Variants in CA10 observed in about 807,000 individuals in gnomAD.
CA10 encodes carbonic anhydrase-related protein 10.
In CA10, 14 loss-of-function variants were observed where a neutral mutation model predicts 44.2. The observed-to-expected ratio is 0.32, with a 90% CI of 0.21 to 0.50. CA10 has a LOEUF of 0.50. Among genes scored for constraint, CA10 ranks in the 20% least tolerant of loss-of-function variants. The pLI, the probability that CA10 is intolerant of heterozygous loss-of-function variation, is 0.99. For synonymous variants in CA10, 159 were observed against 141.6 expected, an observed-to-expected ratio of 1.12 and a Z score of -0.87; for missense variants, 350 against 409.7, an observed-to-expected ratio of 0.85 and a Z score of 1.26.
chr17:51,871,530 G>A (rs180829628), intron 3 of CA10, among the ~76,000 whole-genome samples: 4 of 145,440 alleles, frequency 2.8e-5, no homozygotes, highest in African/African-American at 5.1e-5. Context: ...GTGAGCCATC[G>A]CGCCCAGCCA....
At chr17:51,701,571 T>G (rs1461490942) in intron 4 of CA10, among the ~76,000 whole-genome samples, 1 of 152,156 alleles carries the variant, frequency 6.6e-6, no homozygotes, top group African/African-American at 2.4e-5. Flanking sequence ...GCTGGTAGGA[T>G]CCCATGATAC....
At chr17:51,725,983 C>T (rs1388112448) in intron 4 of CA10, among the ~76,000 whole-genome samples, 1 of 188 alleles carries the variant, frequency 5.3e-3, no homozygotes, top group Non-Finnish European at 0.014. Flanking sequence ...GAGTCATTCA[C>T]CTGTCGGGGA....
chr17:51,900,205 T>C (rs940924163), intron 3 of CA10, among the ~76,000 whole-genome samples: 29 of 152,294 alleles, frequency 1.9e-4, no homozygotes, highest in African/African-American at 6.0e-4. Flanking sequence ...CTTAAGGACC[T>C]CTTATAAGGC....
At position 52,028,797 on chromosome 17, in the gene CA10, AT is replaced by A. The variant is rs1986376951; in HGVS notation, c.136+43521del. Among the ~76,000 whole-genome samples the A allele has an allele frequency of 3.3e-5, 5 of 152,306 alleles. 1 individual carries two copies. In the South Asian group the frequency reaches 1.0e-3, roughly 32 times the overall value. On this transcript the variant is annotated intron_variant, in intron 2 of 8. Coordinates refer to ENST00000451037, the MANE Select transcript of CA10 (RefSeq NM_020178.5). ...CACTTCTCTAATGCAAACCCACAAA[AT>A]TGTTGACTCTTAGAGTGCCCACAAA... is the stretch of plus-strand genomic sequence containing the variant.
chr17:51,895,215 G>A (rs577251018), intron 3 of CA10, among the ~76,000 whole-genome samples: 1 of 152,068 alleles, frequency 6.6e-6, no homozygotes, highest in South Asian at 2.1e-4. Context: ...GGTAGAAATG[G>A]AATTAAAAGT....
intron 1 of CA10, among the ~76,000 whole-genome samples, chr17:52,123,435 C>T (rs1184830141): frequency 1.4e-5 from 2 of 145,780 alleles, no homozygotes; most frequent in Admixed American, 6.9e-5. Context: ...TCCAGATCTC[C>T]ATTACCAGCT....
At chr17:52,157,202 C>CA (rs1169698738) in intron 1 of CA10, among the ~76,000 whole-genome samples, 1 of 152,070 alleles carries the variant, frequency 6.6e-6, no homozygotes, top group African/African-American at 2.4e-5. Flanking sequence ...TTCAAAGCAT[C>CA]ACAATCAGTC....
intron 2 of CA10, among the ~76,000 whole-genome samples, chr17:51,977,460 G>A (rs1381463819): frequency 2.6e-5 from 4 of 151,856 alleles, no homozygotes; most frequent in South Asian, 4.1e-4. Flanking sequence ...CATTTAGATT[G>A]GCTCAAAAAA....
intron 4 of CA10, among the ~76,000 whole-genome samples, chr17:51,673,475 A>G (rs1914502058): frequency 6.6e-6 from 1 of 152,018 alleles, no homozygotes; most frequent in Non-Finnish European, 1.5e-5. Context: ...CCAGTGCTAT[A>G]TTTATAGACT....
chr17:52,077,380 A>T (rs1425990329), intron 1 of CA10, among the ~76,000 whole-genome samples: 1 of 152,164 alleles, frequency 6.6e-6, no homozygotes, highest in African/African-American at 2.4e-5. Flanking sequence ...TTTTTTCCAT[A>T]AAGGGCGACA....
At chr17:52,124,478 C>T (rs973546477) in intron 1 of CA10, among the ~76,000 whole-genome samples, 1 of 152,126 alleles carries the variant, frequency 6.6e-6, no homozygotes, top group Non-Finnish European at 1.5e-5. Flanking sequence ...CAAAGCCTGA[C>T]AAAATGAATG....
intron 3 of CA10, among the ~76,000 whole-genome samples, chr17:51,862,734 T>C (rs1979367739): frequency 6.6e-6 from 1 of 152,124 alleles, no homozygotes; most frequent in African/African-American, 2.4e-5. Context: ...GAGGGTGCTT[T>C]TCCTCTGTTC....
Position 51,998,378 on chromosome 17 carries a change from C to T in CA10, c.137-67246G>A, listed in dbSNP as rs944587966. 3.9e-5 allele frequency among the ~76,000 whole-genome samples: 6 copies of T among 151,964 alleles called. 1 individual carries two copies. The highest frequency in any genetic ancestry group is 5.9e-5 in the Non-Finnish European group (4 of 67,976). On this transcript the variant is annotated intron_variant, in intron 2 of 8. Transcript: ENST00000451037. ...AAAAGAATGGGATACAAGTATTTGC[C>T]CTCCTGCAGTTCTTCATGGAGTGTA...
At chr17:51,886,001 G>A (rs76970027) in intron 3 of CA10, among the ~76,000 whole-genome samples, 4 of 152,174 alleles carry the variant, frequency 2.6e-5, no homozygotes, top group Admixed American at 6.5e-5. Context: ...AAAAGCCTTC[G>A]AGAAAAGGCC....
chr17:51,758,932 G>C (rs1184312237), intron 3 of CA10, among the ~76,000 whole-genome samples: 1 of 152,154 alleles, frequency 6.6e-6, no homozygotes, highest in Non-Finnish European at 1.5e-5. Context: ...GTGAATGCAA[G>C]ACTGTCCGAT....
intron 4 of CA10, among the ~76,000 whole-genome samples, chr17:51,704,022 G>C (rs370919082): frequency 1.3e-5 from 2 of 152,122 alleles, no homozygotes; most frequent in East Asian, 3.9e-4. Context: ...ATGAAGTATG[G>C]TTTTCACTAA....
intron 3 of CA10, among the ~76,000 whole-genome samples, chr17:51,807,555 C>T (rs1424356819): frequency 6.6e-6 from 1 of 152,130 alleles, no homozygotes; most frequent in Non-Finnish European, 1.5e-5. Context: ...CACCAAAAGA[C>T]ATAAAAATGT....
chr17:51,927,123 T>C (rs2143985504), intron 3 of CA10, among the ~76,000 whole-genome samples: 1 of 152,274 alleles, frequency 6.6e-6, no homozygotes. Flanking sequence ...AACTACCTTT[T>C]ATACTTAGAT....
chr17:51,794,406 G>A (rs1464667927), intron 3 of CA10, among the ~76,000 whole-genome samples: 1 of 152,168 alleles, frequency 6.6e-6, no homozygotes, highest in Non-Finnish European at 1.5e-5. Flanking sequence ...GGTTGAGGTG[G>A]ATGCGGAGAC....
Sources: gnomAD v4.1 joint callset for allele counts (sites outside exome capture counted in the v4.1 genomes callset) on GRCh38, gnomAD v4.1.1 for gene constraint, MANE v1.5 for transcripts, NCBI Gene and HGNC (gene_info 2026-07-23, HGNC 2026-07-21) for gene names.